PLAGL1: variants seen among roughly 807,000 people sequenced by gnomAD.
PLAGL1 encodes the protein PLAG1 like zinc finger 1, also known as zinc finger protein PLAGL1.
PLAGL1 carries 1 observed loss-of-function variant against 4.6 expected under a neutral mutation model. The ratio of observed to expected loss-of-function variants is 0.22; its 90% CI spans 0.08 to 1.03. PLAGL1 has a LOEUF of 1.03. PLAGL1 is among the 50% of genes least tolerant of loss of function. PLAGL1 has a pLI of 0.58. For missense variants in PLAGL1, 464 were observed against 570.4 expected (o/e 0.81, Z 1.90); for synonymous variants, 240 against 237.8 (o/e 1.01, Z -0.08).
At chr6:144,041,923 T>C (rs1425438227) in intron 1 of PLAGL1, among the ~76,000 whole-genome samples, 1 of 152,244 alleles carries the variant, frequency 6.6e-6, no homozygotes, top group Non-Finnish European at 1.5e-5. Flanking sequence ...TGCATTTCTC[T>C]GATGACCAAG....
rs1417875968 is a variant in PLAGL1 at position 143,994,333 on chromosome 6, T to C, written c.-583-9159A>G. On this transcript the variant is annotated intron_variant, in intron 1 of 7. Coordinates refer to ENST00000674357, the MANE Select transcript of PLAGL1 (RefSeq NM_001317162.2). This position sits in a 1 kb window ranked among gnomAD's most constrained non-coding sequence, Gnocchi z 4.3. ...TTTTAAGACTTCACAGTGCATGGGA[T>C]GTCCACATGTTCTGCACTGTGTCAT... Among the ~76,000 whole-genome samples, 6 of 152,366 alleles carry C rather than the reference T, an allele frequency of 3.9e-5. No individual in the cohort carries two copies. The East Asian group carries it at 7.7e-4, about 20-fold the overall frequency.
rs2268446 is a variant in PLAGL1, at chr6:143,956,899, A to C, written c.-325+3570T>G. On this transcript the variant is annotated intron_variant, in intron 6 of 7. Coordinates refer to ENST00000674357, the MANE Select transcript of PLAGL1 (RefSeq NM_001317162.2). Reference sequence around the variant, plus strand: ...AGGGAGCTGGGATCTGTCACCCCAGAAGTGCTTCATCTCTCACAGGTCTGG... The same window carrying C: ...AGGGAGCTGGGATCTGTCACCCCAGCAGTGCTTCATCTCTCACAGGTCTGG... 6.7e-3 allele frequency among the ~76,000 whole-genome samples: 1,023 copies of C among 152,340 alleles called. 42 individuals are homozygous for C. In the East Asian group the frequency reaches 0.11, roughly 17 times the overall value.
intron 1 of PLAGL1, among the ~76,000 whole-genome samples, chr6:144,031,454 G>A (rs1474528649): frequency 6.6e-6 from 1 of 152,154 alleles, no homozygotes; most frequent in Non-Finnish European, 1.5e-5. Flanking sequence ...TTTTTCTGAT[G>A]TTATCTTCTA....
At chr6:144,007,249 A>C (rs905773288) in intron 1 of PLAGL1, 1 of 152,268 alleles carries the variant, frequency 6.6e-6, no homozygotes, top group African/African-American at 2.4e-5. Context: ...TAAGTAAGCA[A>C]TCTCTGAGCC....
In PLAGL1 at chr6:144,033,084, G is replaced by C. The variant is rs559049245; in HGVS notation, c.-151+31384C>G. On this transcript the variant is annotated intron_variant, in intron 1 of 3. Transcript: ENST00000437412. ...AGTTTCTAGAAGAAATTATTCATTA[G>C]ATGAATTTTAGAAAACAGGACATCA... 2.0e-5 allele frequency among the ~76,000 whole-genome samples: 3 copies of C among 152,324 alleles called. No individual in the cohort carries two copies. In the South Asian group the frequency reaches 6.2e-4, roughly 32 times the overall value.
chr6:143,980,988 T>C (rs1161707697), intron 2 of PLAGL1, among the ~76,000 whole-genome samples: 1 of 152,220 alleles, frequency 6.6e-6, no homozygotes, highest in Non-Finnish European at 1.5e-5. Flanking sequence ...TGCTTACAAA[T>C]TGTTTATGGC....
In PLAGL1 at chr6:143,957,783, G is replaced by C. The variant is rs1266194219; in HGVS notation, c.-325+2686C>G. Among the ~76,000 whole-genome samples the C allele has an allele frequency of 2.0e-5, 3 of 152,204 alleles. No individual in the cohort carries two copies. The South Asian group carries it at 6.2e-4, about 32-fold the overall frequency. On this transcript the variant is annotated intron_variant, in intron 6 of 7. Transcript: ENST00000674357. This position sits in a 1 kb window ranked among gnomAD's most constrained non-coding sequence, Gnocchi z 4.2. The stretch of plus-strand genomic sequence containing the variant: ...AGGATGCTCAAGACTTGGGTGGACT[G>C]TTTGATCCTAAAATAACATATCACT...
chr6:144,024,795 A>G (rs1312114626), intron 1 of PLAGL1, among the ~76,000 whole-genome samples: 3 of 152,228 alleles, frequency 2.0e-5, no homozygotes, highest in Non-Finnish European at 2.9e-5. Flanking sequence ...CCATCTGAGC[A>G]ACCAAATAAT....
At chr6:143,943,765 C>T (rs375696500) in intron 7 of PLAGL1, among the ~76,000 whole-genome samples, 23 of 152,270 alleles carry the variant, frequency 1.5e-4, no homozygotes, top group Non-Finnish European at 2.6e-4. Context: ...AGGGACAAGC[C>T]GTAGTCTGTC....
Position 143,949,698 on chromosome 6 carries a change from CT to C in PLAGL1, c.-324-1239del, listed in dbSNP as rs1238411389. ...GCTTAGGTGAAGTACACTTGAGTAG[CT>C]TTTGTCCACAGGCCAGCATTTGCTG... On this transcript the variant is annotated intron_variant, in intron 6 of 7. Transcript: ENST00000674357. This position sits in a 1 kb window ranked among gnomAD's most constrained non-coding sequence, Gnocchi z 5.3. Among the ~76,000 whole-genome samples, 1 of 152,196 alleles carries C rather than the reference CT, an allele frequency of 6.6e-6. No homozygotes were observed. The highest frequency in any genetic ancestry group is 1.5e-5 in the Non-Finnish European group (1 of 68,036).
chr6:143,944,620 TC>T (rs1249485931), intron 7 of PLAGL1, among the ~76,000 whole-genome samples: 1 of 152,096 alleles, frequency 6.6e-6, no homozygotes, highest in Admixed American at 6.5e-5. Flanking sequence ...GTTTCCACGT[TC>T]TAGGTCTATC....
At chr6:144,038,200 G>A (rs1016742312) in intron 1 of PLAGL1, among the ~76,000 whole-genome samples, 13 of 152,198 alleles carry the variant, frequency 8.5e-5, no homozygotes, top group Admixed American at 8.5e-4. Context: ...AAAGCTACAT[G>A]TGTTAAGACG....
chr6:143,956,242 G>A lies in PLAGL1; in HGVS notation c.-325+4227C>T, dbSNP rs1337433678. On this transcript the variant is annotated intron_variant, in intron 6 of 7. Coordinates refer to ENST00000674357, the MANE Select transcript of PLAGL1 (RefSeq NM_001317162.2). ...TTGGTCAAGTGGGCTAGCCCTGGGGGTAAGGAGGAATTTGTTTTCTTTATG... is the reference window on the plus strand; with the variant it reads ...TTGGTCAAGTGGGCTAGCCCTGGGGATAAGGAGGAATTTGTTTTCTTTATG... Among the ~76,000 whole-genome samples the A allele has an allele frequency of 5.3e-5, 8 of 152,326 alleles. 1 individual carries two copies. In the East Asian group the frequency reaches 1.4e-3, roughly 26 times the overall value.
chr6:144,060,395 C>T (rs1391507843), intron 1 of PLAGL1, among the ~76,000 whole-genome samples: 1 of 152,174 alleles, frequency 6.6e-6, no homozygotes, highest in Admixed American at 6.5e-5. Flanking sequence ...AGTTGGTTTC[C>T]TCATTGCTCC....
chr6:144,023,818 C>A (rs1364249589), intron 1 of PLAGL1, among the ~76,000 whole-genome samples: 3 of 134,026 alleles, frequency 2.2e-5, no homozygotes. Flanking sequence ...GTTCTGTTGC[C>A]CAGACTGGAG....
rs1018624121 is a variant in PLAGL1 at position 144,006,569 on chromosome 6, C to T, written c.-584+1521G>A. 5 of 152,022 alleles carry T rather than the reference C, an allele frequency of 3.3e-5. No homozygotes were observed. Among genetic ancestry groups the T allele is most frequent in the Admixed American group, 2.0e-4 (3 of 15,276 alleles). The allele number at this position is 152,022 out of a possible 1,614,324, so 9.4% of individuals were successfully genotyped here. ...ATAGAAGATATCACACAGCATTCTC[C>T]GGCAACTTTTTTTTTTTTTGGTTCA... is the stretch of plus-strand genomic sequence containing the variant. On this transcript the variant is annotated intron_variant, in intron 1 of 7. Transcript: ENST00000674357. The surrounding 1 kb of genome is among the most constrained non-coding windows in gnomAD (Gnocchi z 4.3).
Position 144,056,697 on chromosome 6 carries a change from C to G in PLAGL1, c.-151+7771G>C, listed in dbSNP as rs1364072025. Among the ~76,000 whole-genome samples the G allele has an allele frequency of 6.6e-6, 1 of 152,096 alleles. No individual in the cohort carries two copies. Among genetic ancestry groups the G allele is most frequent in the Non-Finnish European group, 1.5e-5 (1 of 68,030 alleles). On this transcript the variant is annotated intron_variant, in intron 1 of 3. Transcript: ENST00000437412. The surrounding 1 kb of genome is among the most constrained non-coding windows in gnomAD (Gnocchi z 4.7). ...GTTTTTTTAAATTTAGACAGGTTATCGCTGCTGCCCAGGCCAGAGTGCAGT... is the reference window on the plus strand; with the variant it reads ...GTTTTTTTAAATTTAGACAGGTTATGGCTGCTGCCCAGGCCAGAGTGCAGT...
In PLAGL1 at chr6:143,999,824, CCTAACA is replaced by C. The variant is rs530953073; in HGVS notation, c.-584+8260_-584+8265del. ...ATTATGATAATTTAAATTAAAATAA[CCTAACA>C]CTAAGTAATGAAGAAAAAAACGAGT... On this transcript the variant is annotated intron_variant, in intron 1 of 7. Coordinates refer to ENST00000674357, the MANE Select transcript of PLAGL1 (RefSeq NM_001317162.2). Among the ~76,000 whole-genome samples the C allele has an allele frequency of 1.7e-3, 255 of 152,220 alleles. 1 individual carries two copies. Among genetic ancestry groups the C allele is most frequent in the African/African-American group, 5.8e-3 (243 of 41,544 alleles).
intron 1 of PLAGL1, among the ~76,000 whole-genome samples, chr6:144,057,136 T>A (rs898912318): frequency 4.6e-5 from 7 of 152,218 alleles, no homozygotes; most frequent in Non-Finnish European, 8.8e-5. Flanking sequence ...AAATACCAAG[T>A]AGTGCAATCA....
Sources: allele counts gnomAD v4.1 joint callset (sites outside exome capture counted in the v4.1 genomes callset), GRCh38; gene constraint gnomAD v4.1.1; non-coding constraint Gnocchi (gnomAD v3.1); transcripts MANE v1.5; gene names NCBI Gene and HGNC (gene_info 2026-07-23, HGNC 2026-07-21).